The following COL28A1 variants were observed in gnomAD, a reference collection of about 807,000 sequenced individuals.
COL28A1 encodes the protein collagen alpha-1(XXVIII) chain.
COL28A1 carries 161 observed loss-of-function variants against 150.2 expected under a neutral mutation model. The observed-to-expected ratio is 1.07, with a 90% CI of 0.94 to 1.22. COL28A1 has a LOEUF of 1.22. COL28A1 is among the 50% of genes most tolerant of loss of function. COL28A1 has a pLI of 0.00. For missense variants in COL28A1, 1,617 were observed against 1,388.3 expected (o/e 1.16, Z -2.62); for synonymous variants, 552 against 469.7 (o/e 1.18, Z -2.26).
In COL28A1 at chr7:7,363,137, A is replaced by G. The variant is rs527548622; in HGVS notation, c.3067-2609T>C. Among the ~76,000 whole-genome samples the G allele has an allele frequency of 2.6e-5, 4 of 152,328 alleles. No homozygotes were observed. In the South Asian group the frequency reaches 6.2e-4, roughly 24 times the overall value. Reference sequence around the variant, plus strand: ...TAAAAGTTTGAGGAGTAAGTTTATCAAACATAAAAGCCAACTGACATTAGT... The same window carrying G: ...TAAAAGTTTGAGGAGTAAGTTTATCGAACATAAAAGCCAACTGACATTAGT... On this transcript the variant is annotated intron_variant, in intron 33 of 34. Transcript: ENST00000399429.
At chr7:7,519,306 CT>C (rs1781581884) in intron 6 of COL28A1, among the ~76,000 whole-genome samples, 1 of 152,206 alleles carries the variant, frequency 6.6e-6, no homozygotes, top group African/African-American at 2.4e-5. Context: ...GACCCGCCCC[CT>C]ATGATTTAAT....
chr7:7,492,192 C>A (rs533148629), intron 11 of COL28A1, among the ~76,000 whole-genome samples: 1 of 152,164 alleles, frequency 6.6e-6, no homozygotes, highest in East Asian at 1.9e-4. Context: ...ATTAAAGTCT[C>A]AATTTACCCC....
intron 3 of COL28A1, among the ~76,000 whole-genome samples, chr7:7,526,787 A>C (rs974940949): frequency 2.0e-5 from 3 of 152,082 alleles, no homozygotes; most frequent in African/African-American, 7.2e-5. Flanking sequence ...AGAGCACGCC[A>C]ACAAGCCAGG....
chr7:7,438,501 T>C (rs1207717639), intron 21 of COL28A1, among the ~76,000 whole-genome samples: 1 of 152,172 alleles, frequency 6.6e-6, no homozygotes, highest in Non-Finnish European at 1.5e-5. Context: ...GCTCTAGAGG[T>C]TGGGGCCCAG....
chr7:7,376,720 C>T (rs56218077), intron 30 of COL28A1, among the ~76,000 whole-genome samples: 17,380 of 57,780 alleles, frequency 0.3, 2,142 homozygotes, highest in African/African-American at 0.48. Flanking sequence ...TTTTTATAAA[C>T]GGAGAAAATA....
intron 15 of COL28A1, among the ~76,000 whole-genome samples, chr7:7,459,318 A>G (rs1156398966): frequency 6.6e-6 from 1 of 152,272 alleles, no homozygotes; most frequent in African/African-American, 2.4e-5. Context: ...CTGTACAGCC[A>G]GAGCTAAGAG....
At chr7:7,344,387 T>C in the COL28A1 span, among the ~76,000 whole-genome samples, 93 of 152,038 alleles carry the variant, frequency 6.1e-4, no homozygotes, top group Admixed American at 2.0e-3. Flanking sequence ...AATGGCTTTT[T>C]AGTTATATTT....
intron 18 of COL28A1, 63 bp from the exon 19 acceptor site, chr7:7,444,552 A>T (rs1786104782): frequency 6.7e-7 from 1 of 1,490,664 alleles, no homozygotes; most frequent in Non-Finnish European, 9.3e-7. Context: ...GGTACTTGCA[A>T]TTGGATGTAT....
chr7:7,358,497 G>T lies in COL28A1; in HGVS notation c.*136C>A. The T allele has an allele frequency of 2.5e-6, 2 of 796,484 alleles. No individual in the cohort carries two copies. Among genetic ancestry groups the T allele is most frequent in the Non-Finnish European group, 2.0e-6 (1 of 490,992 alleles). The allele number at this position is 796,484 out of a possible 1,614,324, so 49.3% of individuals were successfully genotyped here. ...TTAATAATATGTACATCCTAGGGCT[G>T]TAGTGAGAATTCAATTACATGTATA... On this transcript the variant is annotated 3_prime_UTR_variant, in exon 35 of 35. Coordinates refer to ENST00000399429, the MANE Select transcript of COL28A1 (RefSeq NM_001037763.3).
In COL28A1 at chr7:7,507,575, T is replaced by C. The variant is rs1450634794; in HGVS notation, c.928-414A>G. ...ACTCTTTTGCTCATCTTCAAAACAC[T>C]GAACGTGGCAAAACACTGTTTATAT... On this transcript the variant is annotated intron_variant, in intron 9 of 34. Coordinates refer to ENST00000399429, the MANE Select transcript of COL28A1 (RefSeq NM_001037763.3). 2.6e-5 allele frequency among the ~76,000 whole-genome samples: 4 copies of C among 152,230 alleles called. No homozygotes were observed. The East Asian group carries it at 7.7e-4, about 29-fold the overall frequency.
At chr7:7,445,466 A>G (rs1054527483) in intron 18 of COL28A1, among the ~76,000 whole-genome samples, 1 of 152,166 alleles carries the variant, frequency 6.6e-6, no homozygotes, top group Non-Finnish European at 1.5e-5. Flanking sequence ...AGAGACAATA[A>G]ATTTCTGTTG....
chr7:7,377,683 A>C (rs1781632375), intron 30 of COL28A1, among the ~76,000 whole-genome samples: 1 of 152,040 alleles, frequency 6.6e-6, no homozygotes. Context: ...AAGAGTGTGA[A>C]CTTTCTCCTG....
At chr7:7,517,627 C>T (rs536958536) in intron 7 of COL28A1, among the ~76,000 whole-genome samples, 169 bp downstream of exon 7, 1 of 152,284 alleles carries the variant, frequency 6.6e-6, no homozygotes, top group African/African-American at 2.4e-5. Context: ...TTTCTCCCCA[C>T]ATTTCCACTT....
At position 7,380,671 on chromosome 7, in the gene COL28A1, G is replaced by A; in HGVS notation, c.2311C>T (p.Leu771=). The change falls in exon 30 of 35, where the codon CTA becomes TTA. Residue 771 remains leucine (L), a synonymous_variant. Transcript: ENST00000399429. ...GAATGGATACTCACTGTAAGTCCTA[G>A]GTCTCCTTTGGGTCCTTGTAAACCC... ...KQGLQGPKGD[L]GLTKEEIIKL... The A allele has an allele frequency of 6.2e-7, 1 of 1,613,562 alleles. No homozygotes were observed. Among genetic ancestry groups the A allele is most frequent in the Non-Finnish European group, 8.5e-7 (1 of 1,179,514 alleles).
chr7:7,342,662 A>G, the COL28A1 span, among the ~76,000 whole-genome samples: 59 of 152,152 alleles, frequency 3.9e-4, 1 homozygote, highest in African/African-American at 1.4e-3. Context: ...TCTAAAGTTA[A>G]CCAACATCTT....
chr7:7,403,601 C>T (rs1310356420), intron 27 of COL28A1, among the ~76,000 whole-genome samples: 1 of 152,100 alleles, frequency 6.6e-6, no homozygotes, highest in Non-Finnish European at 1.5e-5. Context: ...AGGATGAGTG[C>T]TACTTTTCTT....
chr7:7,421,375 G>A (rs909254152), intron 25 of COL28A1, among the ~76,000 whole-genome samples: 3 of 152,266 alleles, frequency 2.0e-5, no homozygotes, highest in African/African-American at 7.2e-5. Flanking sequence ...CTGATTTATG[G>A]TGATGGCTGT....
chr7:7,409,389 T>C (rs1358009638), intron 27 of COL28A1, among the ~76,000 whole-genome samples: 1 of 152,090 alleles, frequency 6.6e-6, no homozygotes, highest in East Asian at 1.9e-4. Flanking sequence ...TACATCTTTA[T>C]ATATTAGACA....
At chr7:7,363,059 GA>G (rs919908794) in intron 33 of COL28A1, among the ~76,000 whole-genome samples, 4 of 151,562 alleles carry the variant, frequency 2.6e-5, no homozygotes, top group African/African-American at 9.7e-5. Context: ...AAACCTTCAG[GA>G]AAAAAAGTAC....
Sources: gnomAD v4.1 joint callset for allele counts (sites outside exome capture counted in the v4.1 genomes callset) on GRCh38, gnomAD v4.1.1 for gene constraint, MANE v1.5 for transcripts, NCBI Gene and HGNC (gene_info 2026-07-23, HGNC 2026-07-21) for gene names.